FLT3: variants seen among roughly 807,000 people sequenced by gnomAD.
FLT3 encodes fms related receptor tyrosine kinase 3.
A neutral mutation model predicts 126.6 loss-of-function variants in FLT3; 46 were observed. That is an observed-to-expected ratio of 0.36 (90% CI 0.29 to 0.46). The LOEUF (loss-of-function observed/expected upper bound fraction) is 0.46, where lower values mean the gene tolerates loss of function less well. FLT3 is among the 20% of genes least tolerant of loss of function. The pLI, the probability that FLT3 is intolerant of heterozygous loss-of-function variation, is 1.00. For missense variants in FLT3, 1,069 were observed against 1,190.3 expected (o/e 0.90, Z 1.50); for synonymous variants, 404 against 434.4 (o/e 0.93, Z 0.87).
At chr13:28,088,248 T>A (rs2137821412) in intron 1 of FLT3, among the ~76,000 whole-genome samples, 1 of 152,314 alleles carries the variant, frequency 6.6e-6, no homozygotes, top group South Asian at 2.1e-4. Context: ...CTTTTACTAG[T>A]GGACTTCACC....
intron 22 of FLT3, 131 bp from the exon 23 acceptor site, chr13:28,014,688 G>A (rs1044201565): frequency 3.2e-6 from 2 of 626,928 alleles, no homozygotes; most frequent in Non-Finnish European, 5.5e-6. Flanking sequence ...TTTGTGGCAA[G>A]TCCTCTACCA....
chr13:28,022,389 G>A (rs1034151369), intron 19 of FLT3, among the ~76,000 whole-genome samples: 6 of 151,970 alleles, frequency 3.9e-5, no homozygotes, highest in African/African-American at 7.2e-5. Flanking sequence ...GTATGCACCC[G>A]TGGTCCCAGC....
chr13:28,094,860 C>G (rs977192134), intron 1 of FLT3, among the ~76,000 whole-genome samples: 11 of 152,116 alleles, frequency 7.2e-5, no homozygotes, highest in African/African-American at 2.4e-4. Context: ...AACAGAATTG[C>G]GTGAGTCAAA....
intron 1 of FLT3, among the ~76,000 whole-genome samples, chr13:28,080,437 A>G (rs1878242273): frequency 6.6e-6 from 1 of 152,220 alleles, no homozygotes; most frequent in South Asian, 2.1e-4. Context: ...TAGAGCAAAA[A>G]ATATCCAAAC....
chr13:28,017,696 C>T (rs1487605313), intron 20 of FLT3, among the ~76,000 whole-genome samples: 1 of 133,734 alleles, frequency 7.5e-6, no homozygotes, highest in Non-Finnish European at 1.6e-5. Context: ...CAGAGCTTTG[C>T]TCTTGTTGCC....
At chr13:28,011,473 C>A (rs1295090298) in intron 23 of FLT3, among the ~76,000 whole-genome samples, 1 of 151,860 alleles carries the variant, frequency 6.6e-6, no homozygotes, top group Non-Finnish European at 1.5e-5. Flanking sequence ...GCAGAGTGGG[C>A]AGGGCTGCCT....
Position 28,035,628 on chromosome 13 carries a change from G to A in FLT3, c.1464C>T (p.Asn488=), listed in dbSNP as rs1297377305. 2 of 1,613,978 alleles carry A rather than the reference G, an allele frequency of 1.2e-6. No homozygotes were observed. Among genetic ancestry groups the A allele is most frequent in the African/African-American group, 1.3e-5 (1 of 74,992 alleles). Residue 488 remains asparagine, a synonymous_variant, in exon 12 of 24, where the codon AAC becomes AAT. Transcript: ENST00000241453. ...ITEGVWNRKA[N]RKVFGQWVSS... The stretch of plus-strand genomic sequence containing the variant: ...ACACCCACTGTCCAAACACTTTTCT[G>A]TTAGCCTTTCTATTCCAGACTCCTT...
intron 9 of FLT3, among the ~76,000 whole-genome samples, chr13:28,037,805 G>A (rs1035681583): frequency 3.9e-5 from 6 of 152,150 alleles, no homozygotes; most frequent in East Asian, 1.9e-4. Flanking sequence ...GAGCTTTACC[G>A]CTTCCTGTCA....
chr13:28,018,963 CTT>C, intron 19 of FLT3, among the ~76,000 whole-genome samples: 1 of 103,390 alleles, frequency 9.7e-6, no homozygotes, highest in South Asian at 3.3e-4. Flanking sequence ...AATAGCATCT[CTT>C]TTCTTTTTTT....
chr13:28,028,192 G>T lies in FLT3; in HGVS notation c.2039C>A (p.Ala680Glu). The change falls in exon 16 of 24, where the codon GCG becomes GAG. Residue 680 changes from alanine to glutamate, a missense_variant. Ala to Glu is a moderately radical substitution (Grantham distance 107). Coordinates refer to ENST00000241453, the MANE Select transcript of FLT3 (RefSeq NM_004119.3). ...AAGTGGGTTACCTGACAGTGTGCAC[G>T]CCCCCAGCAGGTTCACAATATTCTC... ...SHENIVNLLG[A>E]CTLSGPIYLI... The T allele has an allele frequency of 6.3e-7, 1 of 1,588,384 alleles. No individual in the cohort carries two copies. The highest frequency in any genetic ancestry group is 1.3e-5 in the African/African-American group (1 of 74,432).
intron 23 of FLT3, among the ~76,000 whole-genome samples, chr13:28,005,287 C>T (rs1397214967): frequency 2.6e-5 from 4 of 152,038 alleles, no homozygotes; most frequent in Non-Finnish European, 4.4e-5. Flanking sequence ...CTAGATTGTG[C>T]CACTGCACTC....
intron 4 of FLT3, among the ~76,000 whole-genome samples, chr13:28,054,519 C>T (rs1371288252): frequency 1.3e-5 from 2 of 151,880 alleles, no homozygotes; most frequent in Non-Finnish European, 2.9e-5. Context: ...CCCAGGAGTT[C>T]GAGACCAGCC....
At chr13:28,069,161 G>C (rs1418302398) in intron 2 of FLT3, among the ~76,000 whole-genome samples, 1 of 152,064 alleles carries the variant, frequency 6.6e-6, no homozygotes, top group Non-Finnish European at 1.5e-5. Flanking sequence ...TAGCCCAGCA[G>C]CTACCTCTGA....
rs1334799394 is a variant in FLT3 at position 28,070,591 on chromosome 13, A to G, written c.65T>C (p.Phe22Ser). 1.9e-6 allele frequency: 3 copies of G among 1,602,808 alleles called. No homozygotes were observed. The Admixed American group carries it at 5.0e-5, about 27-fold the overall frequency. ...CAGATCTTGATTTGTAATAGTCCCA[A>G]ATATCATTGCAGAAAAAACAACTGT... ...PLLVVFSAMI[F>S]GTITNQDLPV... The change falls in exon 2 of 24, where the codon TTT (phenylalanine) becomes TCT (serine). Residue 22 changes from phenylalanine to serine, a missense_variant. Transcript: ENST00000241453.
rs536487984 is a variant in FLT3, at chr13:28,047,489, T to C, written c.1205+786A>G. Among the ~76,000 whole-genome samples, 222 of 152,042 alleles carry C rather than the reference T, an allele frequency of 1.5e-3. 1 individual carries two copies. Among genetic ancestry groups the C allele is most frequent in the African/African-American group, 4.8e-3 (197 of 41,466 alleles). ...CTTTGGGAGGCCCAGGTAGGGTGAA[T>C]CTCCTGAGCTCAAGAGTCCGAGACC... is the stretch of plus-strand genomic sequence containing the variant. On this transcript the variant is annotated intron_variant, in intron 9 of 23. Coordinates refer to ENST00000241453, the MANE Select transcript of FLT3 (RefSeq NM_004119.3).
Position 28,087,040 on chromosome 13 carries a change from CT to C in FLT3, c.43+13427del, listed in dbSNP as rs201770088. 6.2e-4 allele frequency among the ~76,000 whole-genome samples: 95 copies of C among 152,240 alleles called. 2 individuals carry two copies. The East Asian group carries it at 0.015, about 25-fold the overall frequency. On this transcript the variant is annotated intron_variant, in intron 1 of 23. Transcript: ENST00000241453. Reference sequence around the variant, plus strand: ...TACATCTGAAAAACTATTTGTTTCTCTTCATTTTTGAAAGTGTTTTATTTTT... The same window carrying C: ...TACATCTGAAAAACTATTTGTTTCTCTCATTTTTGAAAGTGTTTTATTTTT...
At chr13:28,018,944 G>A (rs1872132919) in intron 19 of FLT3, among the ~76,000 whole-genome samples, 1 of 151,410 alleles carries the variant, frequency 6.6e-6, no homozygotes, top group Admixed American at 6.6e-5. Context: ...TCTTATTGTG[G>A]GTGTGAGAAA....
rs76080105 is a variant in FLT3 at position 28,024,957 on chromosome 13, T to C, written c.2208-14A>G. On this transcript the variant is annotated splice_polypyrimidine_tract_variant and intron_variant, in intron 17 of 23. Transcript: ENST00000241453. ...GAACCAGGCATGCTATTAAAAAATT[T>C]TGTTTTTTCATTATTTACATTATTC... 665 of 1,572,054 alleles carry C rather than the reference T, an allele frequency of 4.2e-4. 5 individuals carry two copies. The East Asian group carries it at 0.012, about 28-fold the overall frequency.
intron 1 of FLT3, among the ~76,000 whole-genome samples, chr13:28,075,201 T>A (rs1877845188): frequency 6.6e-6 from 1 of 152,218 alleles, no homozygotes; most frequent in Non-Finnish European, 1.5e-5. Flanking sequence ...AACATATACA[T>A]CATTGTGGTT....
Sources: gnomAD v4.1 joint callset for allele counts (sites outside exome capture counted in the v4.1 genomes callset) on GRCh38, gnomAD v4.1.1 for gene constraint, MANE v1.5 for transcripts, NCBI Gene and HGNC (gene_info 2026-07-23, HGNC 2026-07-21) for gene names.